Variants in RETREG1 observed in about 807,000 individuals in gnomAD.
RETREG1 encodes family with sequence similarity 134 member B.
In RETREG1, 44 loss-of-function variants were observed where a neutral mutation model predicts 54.8. That is an observed-to-expected ratio of 0.80 (90% CI 0.63 to 1.03). RETREG1 has a LOEUF of 1.03. Ranked by LOEUF, RETREG1 falls within the 50% of genes least tolerant of loss-of-function variation. The pLI is 0.00. For missense variants in RETREG1, 554 were observed against 605.1 expected (o/e 0.92, Z 0.89); for synonymous variants, 217 against 238.5 (o/e 0.91, Z 0.83).
intron 3 of RETREG1, chr5:16,508,878 G>A: frequency 7.4e-7 from 1 of 1,351,030 alleles, no homozygotes; most frequent in Non-Finnish European, 9.5e-7. Flanking sequence ...AAATAAATAG[G>A]TCACCTCTTA....
intron 1 of RETREG1, among the ~76,000 whole-genome samples, chr5:16,576,442 G>A (rs993691003): frequency 2.1e-4 from 32 of 150,736 alleles, no homozygotes; most frequent in African/African-American, 7.8e-4. Context: ...ACAGGTGCAC[G>A]CCACCATGCC....
chr5:16,551,667 CCT>C (rs2126616402), intron 3 of RETREG1, among the ~76,000 whole-genome samples: 1 of 152,228 alleles, frequency 6.6e-6, no homozygotes, highest in African/African-American at 2.4e-5. Flanking sequence ...GAAAAACTGC[CCT>C]CTACATTTCC....
chr5:16,523,414 T>C (rs552023602), intron 3 of RETREG1, among the ~76,000 whole-genome samples: 1 of 152,214 alleles, frequency 6.6e-6, no homozygotes, highest in African/African-American at 2.4e-5. Context: ...TTTGTAGAGA[T>C]GCGTCAGTTT....
chr5:16,589,270 G>A (rs558613501), intron 1 of RETREG1, among the ~76,000 whole-genome samples: 9 of 151,894 alleles, frequency 5.9e-5, no homozygotes, highest in South Asian at 4.2e-4. Flanking sequence ...CACTGGGTGC[G>A]GCAACCCTGA....
chr5:16,608,436 C>T (rs1743254743), intron 1 of RETREG1, among the ~76,000 whole-genome samples: 1 of 152,168 alleles, frequency 6.6e-6, no homozygotes, highest in African/African-American at 2.4e-5. Context: ...TCACCATTAA[C>T]CTCACTTTTA....
In RETREG1 at chr5:16,602,814, C is replaced by G. The variant is rs138772437; in HGVS notation, c.320+13838G>C. On this transcript the variant is annotated intron_variant, in intron 1 of 8. Coordinates refer to ENST00000306320, the MANE Select transcript of RETREG1 (RefSeq NM_001034850.3). ...CCTGAGGTTGGGAGTTTGAGAATAG[C>G]CTGACCAACATGGAGAAACCCCATC... Among the ~76,000 whole-genome samples the G allele has an allele frequency of 2.9e-3, 434 of 152,192 alleles. 2 individuals carry two copies. The highest frequency in any genetic ancestry group is 1.0e-2 in the African/African-American group (414 of 41,538).
At chr5:16,495,184 G>A (rs961693050) in intron 3 of RETREG1, among the ~76,000 whole-genome samples, 1 of 152,180 alleles carries the variant, frequency 6.6e-6, no homozygotes, top group Non-Finnish European at 1.5e-5. Flanking sequence ...GCTTATATGT[G>A]TGAGCAAAGA....
chr5:16,559,235 G>T (rs113585343), intron 3 of RETREG1, among the ~76,000 whole-genome samples: 3,449 of 152,294 alleles, frequency 0.023, 121 homozygotes, highest in African/African-American at 0.078. Context: ...CCACACAACT[G>T]CTTCTCCTAA....
intron 3 of RETREG1, among the ~76,000 whole-genome samples, chr5:16,560,014 C>G (rs1461402065): frequency 6.6e-6 from 1 of 152,010 alleles, no homozygotes; most frequent in East Asian, 1.9e-4. Flanking sequence ...CAGAACATAC[C>G]CACTGAGAAC....
chr5:16,476,796 C>T (rs1052536781), intron 8 of RETREG1, among the ~76,000 whole-genome samples: 4 of 152,078 alleles, frequency 2.6e-5, no homozygotes, highest in African/African-American at 9.7e-5. Context: ...AGAAAAATAG[C>T]TAATCGATGC....
At chr5:16,515,484 T>C (rs561928570) in intron 3 of RETREG1, among the ~76,000 whole-genome samples, 1 of 152,312 alleles carries the variant, frequency 6.6e-6, no homozygotes, top group South Asian at 2.1e-4. Flanking sequence ...TTTCACATTA[T>C]AGAACTGTAT....
chr5:16,553,435 T>G (rs1741599319), intron 3 of RETREG1, among the ~76,000 whole-genome samples: 1 of 152,094 alleles, frequency 6.6e-6, no homozygotes, highest in African/African-American at 2.4e-5. Context: ...TTTAAATATA[T>G]AAATATTCAT....
At chr5:16,516,968 G>T (rs1740377064) in intron 3 of RETREG1, among the ~76,000 whole-genome samples, 1 of 151,838 alleles carries the variant, frequency 6.6e-6, no homozygotes, top group African/African-American at 2.4e-5. Flanking sequence ...AAAATCATAA[G>T]ATTTCTAAAC....
intron 3 of RETREG1, among the ~76,000 whole-genome samples, chr5:16,497,852 A>G (rs891787878): frequency 2.0e-5 from 3 of 152,190 alleles, no homozygotes; most frequent in African/African-American, 2.4e-5. Flanking sequence ...GAAGTCATCA[A>G]ACCCTCAACA....
chr5:16,496,548 C>G (rs530795963), intron 3 of RETREG1, among the ~76,000 whole-genome samples: 8 of 152,344 alleles, frequency 5.3e-5, no homozygotes, highest in African/African-American at 1.9e-4. Flanking sequence ...CCATGCCTAC[C>G]TGCAAGAGAG....
intron 1 of RETREG1, among the ~76,000 whole-genome samples, chr5:16,612,339 A>T (rs933531242): frequency 3.3e-5 from 5 of 152,208 alleles, no homozygotes; most frequent in Middle Eastern, 3.4e-3. Flanking sequence ...TTGATATTTA[A>T]AAAAAAACCA....
chr5:16,514,397 C>T (rs144913508), intron 3 of RETREG1, among the ~76,000 whole-genome samples: 4 of 152,264 alleles, frequency 2.6e-5, no homozygotes, highest in East Asian at 3.9e-4. Flanking sequence ...ACGCCACCTG[C>T]GTGAGGTTGG....
At chr5:16,608,170 G>A (rs898627734) in intron 1 of RETREG1, among the ~76,000 whole-genome samples, 4 of 152,060 alleles carry the variant, frequency 2.6e-5, no homozygotes, top group African/African-American at 4.8e-5. Context: ...GTGAGCCACC[G>A]TGCCCGGCCC....
intron 3 of RETREG1, among the ~76,000 whole-genome samples, chr5:16,560,813 C>G (rs1279999446): frequency 6.6e-6 from 1 of 152,086 alleles, no homozygotes; most frequent in Non-Finnish European, 1.5e-5. Flanking sequence ...CTATCTAGTG[C>G]CAGATGCTAA....
Sources: gnomAD v4.1 joint callset for allele counts (sites outside exome capture counted in the v4.1 genomes callset) on GRCh38, gnomAD v4.1.1 for gene constraint, MANE v1.5 for transcripts, NCBI Gene and HGNC (gene_info 2026-07-23, HGNC 2026-07-21) for gene names.